The following SNX29 variants were observed in gnomAD, a reference collection of about 807,000 sequenced individuals.
SNX29 encodes the protein sorting nexin-29.
SNX29 carries 78 observed loss-of-function variants against 102.1 expected under a neutral mutation model. The ratio of observed to expected loss-of-function variants is 0.76; its 90% confidence interval spans 0.64 to 0.92. SNX29 has a LOEUF of 0.92. Among genes scored for constraint, SNX29 ranks in the 40% least tolerant of loss-of-function variants. The pLI is 0.00. For missense variants in SNX29, 1,280 were observed against 1,061.7 expected (o/e 1.21, Z -2.86); for synonymous variants, 580 against 414.5 (o/e 1.40, Z -4.85).
chr16:12,050,873 A>G (rs949271797), intron 7 of SNX29, among the ~76,000 whole-genome samples: 17 of 150,540 alleles, frequency 1.1e-4, no homozygotes, highest in African/African-American at 3.9e-4. Flanking sequence ...CACCACGCCC[A>G]ACTAATTTTT....
chr16:12,451,003 C>G (rs1487842251), intron 18 of SNX29, among the ~76,000 whole-genome samples: 1 of 152,112 alleles, frequency 6.6e-6, no homozygotes, highest in African/African-American at 2.4e-5. Flanking sequence ...TAGGGAATAA[C>G]AAGGCTTCTG....
chr16:12,061,803 A>G (rs1235806694), intron 9 of SNX29, among the ~76,000 whole-genome samples, 157 bp downstream of exon 9: 1 of 152,190 alleles, frequency 6.6e-6, no homozygotes, highest in Admixed American at 6.5e-5. Flanking sequence ...GAGATGCAGA[A>G]GTGAGAGAGG....
At chr16:12,213,026 A>G (rs146981545) in intron 14 of SNX29, among the ~76,000 whole-genome samples, 106 of 152,272 alleles carry the variant, frequency 7.0e-4, no homozygotes, top group African/African-American at 2.4e-3. Flanking sequence ...AGGCAGGAGA[A>G]TAGCTTGAAT....
At chr16:12,102,422 G>C (rs1209103343) in intron 11 of SNX29, among the ~76,000 whole-genome samples, 2 of 152,194 alleles carry the variant, frequency 1.3e-5, no homozygotes, top group African/African-American at 4.8e-5. Flanking sequence ...ATCCTCTCCA[G>C]TGTCTGTTGT....
intron 19 of SNX29, among the ~76,000 whole-genome samples, chr16:12,518,652 C>G (rs372396197): frequency 6.6e-6 from 1 of 152,208 alleles, no homozygotes; most frequent in Non-Finnish European, 1.5e-5. Flanking sequence ...TCCCTACCCC[C>G]TCCTGCACAT....
chr16:12,324,391 C>T (rs1049851998), intron 15 of SNX29, among the ~76,000 whole-genome samples: 4 of 151,778 alleles, frequency 2.6e-5, no homozygotes, highest in Non-Finnish European at 5.9e-5. Flanking sequence ...AGCTGATTCT[C>T]GCCCTGTGGA....
At chr16:12,193,965 T>A (rs907668458) in intron 13 of SNX29, among the ~76,000 whole-genome samples, 1 of 152,234 alleles carries the variant, frequency 6.6e-6, no homozygotes, top group Non-Finnish European at 1.5e-5. Flanking sequence ...TGATTTTGGC[T>A]ATTTTAGTTT....
intron 20 of SNX29, among the ~76,000 whole-genome samples, chr16:12,559,952 C>A (rs895736252): frequency 6.6e-6 from 1 of 152,104 alleles, no homozygotes; most frequent in Admixed American, 6.6e-5. Context: ...GCACTCCAGC[C>A]TGGGCAACAG....
intron 15 of SNX29, among the ~76,000 whole-genome samples, chr16:12,312,826 C>G (rs1002474163): frequency 1.1e-4 from 16 of 152,032 alleles, no homozygotes; most frequent in Non-Finnish European, 1.6e-4. Context: ...TTACTGAGTT[C>G]ACACTCAGAC....
intron 15 of SNX29, among the ~76,000 whole-genome samples, chr16:12,310,610 A>G (rs543686047): frequency 6.6e-6 from 1 of 152,344 alleles, no homozygotes; most frequent in Admixed American, 6.5e-5. Context: ...GACAGAAAGC[A>G]GATCACTGGC....
chr16:12,541,101 TTGAAAGC>T (rs2141251704), intron 20 of SNX29, among the ~76,000 whole-genome samples: 1 of 152,296 alleles, frequency 6.6e-6, no homozygotes, highest in Admixed American at 6.5e-5. Context: ...CACTCCAGGT[TTGAAAGC>T]TGACTTGGAG....
chr16:12,402,396 G>T (rs561895371), intron 17 of SNX29, among the ~76,000 whole-genome samples: 70 of 152,262 alleles, frequency 4.6e-4, no homozygotes, highest in Non-Finnish European at 8.7e-4. Flanking sequence ...TTTATGAGCT[G>T]CTCTTGAGAG....
At chr16:12,467,413 T>C (rs2087105283) in intron 18 of SNX29, among the ~76,000 whole-genome samples, 1 of 152,224 alleles carries the variant, frequency 6.6e-6, no homozygotes, top group African/African-American at 2.4e-5. Context: ...GACAGTCCCA[T>C]GCTCTGAGCA....
At chr16:12,095,462 G>C (rs73517856) in intron 11 of SNX29, among the ~76,000 whole-genome samples, 19 of 152,244 alleles carry the variant, frequency 1.2e-4, no homozygotes, top group African/African-American at 4.6e-4. Context: ...CCTTTCAGTG[G>C]TGAGGTCGCG....
At chr16:12,548,878 A>T (rs1299315881) in intron 20 of SNX29, among the ~76,000 whole-genome samples, 1 of 152,204 alleles carries the variant, frequency 6.6e-6, no homozygotes, top group Non-Finnish European at 1.5e-5. Context: ...CCTTGGCCTG[A>T]ACCCTACACA....
intron 20 of SNX29, chr16:12,557,381 A>C (rs2078434964): frequency 6.6e-6 from 1 of 152,156 alleles, no homozygotes; most frequent in Admixed American, 6.5e-5. Flanking sequence ...AGGGCTTGCG[A>C]ATAGAAACAA....
chr16:12,048,683 C>T, intron 7 of SNX29, 63 bp downstream of exon 7: 2 of 1,613,070 alleles, frequency 1.2e-6, no homozygotes, highest in Non-Finnish European at 1.7e-6. Context: ...ATGGGGTGGA[C>T]ATATCTTGTC....
At chr16:12,089,154 GAGAA>G (rs141277711) in intron 11 of SNX29, among the ~76,000 whole-genome samples, 134 of 149,508 alleles carry the variant, frequency 9.0e-4, no homozygotes, top group Admixed American at 2.9e-3. Context: ...AAAAGAGAAA[GAGAA>G]AGAAAGAAAG....
chr16:12,270,248 G>C (rs915399934), intron 14 of SNX29, among the ~76,000 whole-genome samples: 2 of 152,154 alleles, frequency 1.3e-5, no homozygotes, highest in Non-Finnish European at 2.9e-5. Flanking sequence ...GCAAATGTTT[G>C]TATTTATTGT....
Sources: allele counts gnomAD v4.1 joint callset (sites outside exome capture counted in the v4.1 genomes callset), GRCh38; gene constraint gnomAD v4.1.1; transcripts MANE v1.5; gene names NCBI Gene and HGNC (gene_info 2026-07-23, HGNC 2026-07-21).